Variants in NRG3 observed in about 807,000 individuals in gnomAD.
NRG3 encodes pro-neuregulin-3, membrane-bound isoform.
Under a neutral mutation model 66.9 loss-of-function variants are expected in NRG3, and 31 were observed. The ratio of observed to expected loss-of-function variants is 0.46; its 90% CI spans 0.35 to 0.63. The LOEUF is 0.63. Ranked by LOEUF, NRG3 falls within the 20% of genes least tolerant of loss-of-function variation. The pLI is 0.00. For missense variants in NRG3, 910 were observed against 878.9 expected, an observed-to-expected ratio of 1.04 and a Z score of -0.45; for synonymous variants, 393 against 359.4, an observed-to-expected ratio of 1.09 and a Z score of -1.06.
intron 7 of NRG3, among the ~76,000 whole-genome samples, chr10:82,975,194 A>G (rs1355391185): frequency 2.0e-5 from 3 of 152,242 alleles, no homozygotes; most frequent in Admixed American, 2.0e-4. Flanking sequence ...AATTAGGGAA[A>G]TAAGTCCAAT....
At chr10:82,196,993 T>C (rs1322280594) in intron 1 of NRG3, among the ~76,000 whole-genome samples, 1 of 152,112 alleles carries the variant, frequency 6.6e-6, no homozygotes, top group African/African-American at 2.4e-5. Flanking sequence ...GTCTAGTGAG[T>C]AGAAATAGAA....
intron 1 of NRG3, among the ~76,000 whole-genome samples, chr10:82,092,384 A>C (rs971223465): frequency 5.3e-5 from 8 of 151,694 alleles, no homozygotes; most frequent in African/African-American, 1.2e-4. Context: ...AACTGAACCC[A>C]CACACACACA....
chr10:82,200,157 A>G (rs1288063436), intron 1 of NRG3, among the ~76,000 whole-genome samples: 1 of 152,208 alleles, frequency 6.6e-6, no homozygotes, highest in African/African-American at 2.4e-5. Flanking sequence ...AAAATATTGC[A>G]TAAATGACAA....
At chr10:82,548,557 A>ACG (rs1360874017) in intron 2 of NRG3, among the ~76,000 whole-genome samples, 5 of 147,550 alleles carry the variant, frequency 3.4e-5, no homozygotes, top group African/African-American at 1.3e-4. Flanking sequence ...ACACACACAC[A>ACG]CACGCACACG....
intron 1 of NRG3, among the ~76,000 whole-genome samples, chr10:81,991,497 A>G (rs2060738394): frequency 6.6e-6 from 1 of 152,118 alleles, no homozygotes; most frequent in Non-Finnish European, 1.5e-5. Flanking sequence ...ATTAATGTGG[A>G]AATAATCTGG....
chr10:82,075,273 G>T (rs1405539745), intron 1 of NRG3, among the ~76,000 whole-genome samples: 1 of 152,090 alleles, frequency 6.6e-6, no homozygotes, highest in East Asian at 1.9e-4. Flanking sequence ...TGTGTATGTG[G>T]CAGTATGTGG....
intron 1 of NRG3, among the ~76,000 whole-genome samples, chr10:82,332,425 G>A (rs2082181545): frequency 1.3e-5 from 2 of 152,094 alleles, no homozygotes; most frequent in African/African-American, 2.4e-5. Context: ...CTTGAATACA[G>A]GGCTGACCTT....
intron 1 of NRG3, among the ~76,000 whole-genome samples, chr10:81,891,327 C>T (rs984654538): frequency 6.6e-6 from 1 of 152,282 alleles, no homozygotes; most frequent in Non-Finnish European, 1.5e-5. Flanking sequence ...TATTCCTGAC[C>T]ATGTACTCTC....
chr10:82,423,260 T>C (rs900899979), intron 2 of NRG3, among the ~76,000 whole-genome samples: 1 of 152,002 alleles, frequency 6.6e-6, no homozygotes, highest in Non-Finnish European at 1.5e-5. Context: ...TAAACCACCA[T>C]AGTCCATCAA....
chr10:82,683,245 G>A (rs920558136), intron 2 of NRG3, among the ~76,000 whole-genome samples: 1 of 151,994 alleles, frequency 6.6e-6, no homozygotes, highest in Non-Finnish European at 1.5e-5. Flanking sequence ...GTGAGCCACT[G>A]TGCCCGGCCT....
chr10:82,151,364 A>G (rs2070735380), intron 1 of NRG3, among the ~76,000 whole-genome samples: 1 of 152,242 alleles, frequency 6.6e-6, no homozygotes, highest in Non-Finnish European at 1.5e-5. Context: ...GAAAGAAAAG[A>G]TGCCTGTTTT....
At chr10:82,780,897 G>C (rs1329306120) in intron 3 of NRG3, among the ~76,000 whole-genome samples, 2 of 152,076 alleles carry the variant, frequency 1.3e-5, no homozygotes, top group East Asian at 3.9e-4. Context: ...AGGCATCATG[G>C]GTTGCTCAGT....
At chr10:82,064,540 A>G (rs1282125893) in intron 1 of NRG3, among the ~76,000 whole-genome samples, 1 of 152,190 alleles carries the variant, frequency 6.6e-6, no homozygotes, top group African/African-American at 2.4e-5. Flanking sequence ...AGATGTCAAT[A>G]GATTTGAGTA....
intron 1 of NRG3, among the ~76,000 whole-genome samples, chr10:82,048,206 C>A (rs1365795533): frequency 6.6e-6 from 1 of 152,086 alleles, no homozygotes; most frequent in Non-Finnish European, 1.5e-5. Flanking sequence ...AGAAAGTTAA[C>A]AAGGATACCC....
At chr10:81,966,108 A>C (rs960654070) in intron 1 of NRG3, among the ~76,000 whole-genome samples, 1 of 151,772 alleles carries the variant, frequency 6.6e-6, no homozygotes, top group Non-Finnish European at 1.5e-5. Flanking sequence ...TTGAGTTTGA[A>C]TTTTATAAAT....
At chr10:82,683,962 A>G (rs1161904482) in intron 2 of NRG3, among the ~76,000 whole-genome samples, 1 of 152,184 alleles carries the variant, frequency 6.6e-6, no homozygotes, top group Non-Finnish European at 1.5e-5. Context: ...CCTGCATGCT[A>G]CTGAACTGAG....
chr10:82,688,941 G>C (rs1056820359), intron 2 of NRG3, among the ~76,000 whole-genome samples: 5 of 152,072 alleles, frequency 3.3e-5, no homozygotes, highest in Admixed American at 6.5e-5. Context: ...TGGAGAGAAA[G>C]AACTTTTTAA....
chr10:82,819,219 C>T (rs2061844794), intron 3 of NRG3, among the ~76,000 whole-genome samples: 1 of 152,152 alleles, frequency 6.6e-6, no homozygotes, highest in Admixed American at 6.5e-5. Flanking sequence ...TCTGTCTCAA[C>T]TAATGAGTTT....
chr10:82,821,189 C>CGGCA (rs2061937595), intron 3 of NRG3, among the ~76,000 whole-genome samples: 1 of 152,154 alleles, frequency 6.6e-6, no homozygotes, highest in Non-Finnish European at 1.5e-5. Flanking sequence ...CACAGCTGAG[C>CGGCA]TGCCCTCTTT....
Sources: allele counts gnomAD v4.1 joint callset (sites outside exome capture counted in the v4.1 genomes callset), GRCh38; gene constraint gnomAD v4.1.1; transcripts MANE v1.5; gene names NCBI Gene and HGNC (gene_info 2026-07-23, HGNC 2026-07-21).